LCOR: variants seen among roughly 807,000 people sequenced by gnomAD.
LCOR encodes the protein ligand dependent nuclear receptor corepressor, also known as ligand-dependent corepressor.
A neutral mutation model predicts 64.4 loss-of-function variants in LCOR; 14 were observed. That is an observed-to-expected ratio of 0.22 (90% CI 0.14 to 0.34). LCOR has a LOEUF of 0.34. LCOR is among the 10% of genes least tolerant of loss of function. The pLI, the probability that LCOR is intolerant of heterozygous loss-of-function variation, is 1.00. For synonymous variants in LCOR, 643 were observed against 642.5 expected, an observed-to-expected ratio of 1.00 and a Z score of -0.01; for missense variants, 1,686 against 1,765.3, an observed-to-expected ratio of 0.96 and a Z score of 0.80.
intron 2 of LCOR, among the ~76,000 whole-genome samples, chr10:96,855,845 G>C (rs866747754): frequency 6.8e-6 from 1 of 148,074 alleles, no homozygotes; most frequent in South Asian, 2.2e-4. Context: ...GGGTTCAAGC[G>C]ATTCTCCTGC....
Position 96,987,506 on chromosome 10 carries a change from T to C in LCOR, c.*2372T>C, listed in dbSNP as rs543020114. Reference sequence around the variant, plus strand: ...AAAGCTCAGTTAAAGATAATAGCCTTCTTTCCCATTCTAGGCTGTGTGTGA... The same window carrying C: ...AAAGCTCAGTTAAAGATAATAGCCTCCTTTCCCATTCTAGGCTGTGTGTGA... On this transcript the variant is annotated 3_prime_UTR_variant, in exon 8 of 8. Coordinates refer to ENST00000421806, the MANE Select transcript of LCOR (RefSeq NM_001346516.2). 3.1e-4 allele frequency: 47 copies of C among 152,362 alleles called. 1 individual carries two copies. Among genetic ancestry groups the C allele is most frequent in the African/African-American group, 9.9e-4 (41 of 41,582 alleles). 9.4% of individuals were successfully genotyped at this position (152,362 alleles called of 1,614,324 possible).
chr10:96,975,948 G>C (rs1291208733), intron 7 of LCOR, among the ~76,000 whole-genome samples: 1 of 152,178 alleles, frequency 6.6e-6, no homozygotes, highest in Admixed American at 6.5e-5. Flanking sequence ...CCGGGAGGTG[G>C]AGGTTGCAGT....
intron 2 of LCOR, among the ~76,000 whole-genome samples, chr10:96,867,971 G>A (rs1439107947): frequency 1.3e-5 from 2 of 151,840 alleles, no homozygotes; most frequent in African/African-American, 2.4e-5. Context: ...TGCAACCTCC[G>A]CCTCCCGGGT....
At chr10:96,870,308 GC>G (rs1489215906) in intron 2 of LCOR, among the ~76,000 whole-genome samples, 2 of 152,132 alleles carry the variant, frequency 1.3e-5, no homozygotes, top group Admixed American at 1.3e-4. Context: ...ACCGCACCCG[GC>G]CCTAAACCCT....
chr10:96,863,699 G>A (rs1005755506), intron 2 of LCOR, among the ~76,000 whole-genome samples: 21 of 152,182 alleles, frequency 1.4e-4, no homozygotes, highest in Non-Finnish European at 2.4e-4. Flanking sequence ...TGCTTTAAAG[G>A]AGTTTAGAAA....
chr10:96,945,215 T>A (rs1847567393), intron 5 of LCOR, among the ~76,000 whole-genome samples: 1 of 152,210 alleles, frequency 6.6e-6, no homozygotes, highest in Admixed American at 6.5e-5. Context: ...CTCTCATTCC[T>A]CTGGAAATTC....
Position 96,926,794 on chromosome 10 carries a change from G to GT in LCOR, c.-183-17312dup, listed in dbSNP as rs201026989. ...TATAATAGGAATCATAAAATACATA[G>GT]TTTTTTTATGTTTGACTTCTTTTTG... On this transcript the variant is annotated intron_variant, in intron 4 of 7. Coordinates refer to ENST00000421806, the MANE Select transcript of LCOR (RefSeq NM_001346516.2). Among the ~76,000 whole-genome samples, 500 of 152,122 alleles carry GT rather than the reference G, an allele frequency of 3.3e-3. 3 individuals are homozygous for GT. Among genetic ancestry groups the GT allele is most frequent in the African/African-American group, 0.012 (481 of 41,520 alleles).
At chr10:96,873,466 TTC>T (rs1846105672) in intron 2 of LCOR, among the ~76,000 whole-genome samples, 2 of 152,150 alleles carry the variant, frequency 1.3e-5, no homozygotes, top group Admixed American at 6.6e-5. Flanking sequence ...GAAATTTACA[TTC>T]TTTTCTTTAA....
chr10:96,910,905 T>G (rs1171030329), intron 4 of LCOR, among the ~76,000 whole-genome samples: 9 of 152,180 alleles, frequency 5.9e-5, no homozygotes, highest in Non-Finnish European at 1.2e-4. Flanking sequence ...TATTTACCTT[T>G]AAAAACACGT....
rs1399187138 is a variant in LCOR, at chr10:96,842,592, A to C, written c.-330+9113A>C. Among the ~76,000 whole-genome samples the C allele has an allele frequency of 2.6e-5, 4 of 152,076 alleles. No homozygotes were observed. The East Asian group carries it at 5.8e-4, about 22-fold the overall frequency. On this transcript the variant is annotated intron_variant, in intron 2 of 7. Coordinates refer to ENST00000421806, the MANE Select transcript of LCOR (RefSeq NM_001346516.2). ...TACGTTTAGAATGATCAGTTGATACAAAAATTTTCTAAAAAGCTTGCTTTT... is the reference window on the plus strand; with the variant it reads ...TACGTTTAGAATGATCAGTTGATACCAAAATTTTCTAAAAAGCTTGCTTTT...
intron 4 of LCOR, among the ~76,000 whole-genome samples, chr10:96,937,003 G>C (rs916604676): frequency 3.3e-5 from 5 of 152,062 alleles, no homozygotes; most frequent in African/African-American, 1.2e-4. Flanking sequence ...CTATACCATG[G>C]GTAACTGTGG....
intron 2 of LCOR, among the ~76,000 whole-genome samples, chr10:96,836,035 C>G (rs1845435466): frequency 6.6e-6 from 1 of 152,194 alleles, no homozygotes; most frequent in African/African-American, 2.4e-5. Flanking sequence ...TTTCAAGAAG[C>G]TCTTCCTAAT....
chr10:96,833,332 G>A, intron 1 of LCOR, 74 bp from the exon 2 acceptor site: 1 of 962,556 alleles, frequency 1.0e-6, no homozygotes, highest in Non-Finnish European at 1.2e-6. Context: ...CGCGGACGGG[G>A]GCGCCCCGGG....
At chr10:96,901,515 G>T (rs1230240841) in intron 2 of LCOR, among the ~76,000 whole-genome samples, 1 of 152,084 alleles carries the variant, frequency 6.6e-6, no homozygotes, top group African/African-American at 2.4e-5. Context: ...CCCTAGTGCT[G>T]CCCCAGTATT....
intron 2 of LCOR, among the ~76,000 whole-genome samples, chr10:96,865,754 A>G (rs1467378773): frequency 6.6e-6 from 1 of 151,812 alleles, no homozygotes; most frequent in Non-Finnish European, 1.5e-5. Context: ...GGTGCCTGTA[A>G]TCCTAGCCAC....
intron 7 of LCOR, among the ~76,000 whole-genome samples, chr10:96,980,098 C>T (rs908400810): frequency 2.0e-5 from 3 of 151,822 alleles, no homozygotes; most frequent in African/African-American, 7.3e-5. Flanking sequence ...GAGCCAAGCT[C>T]GCACCACTGC....
chr10:96,870,376 C>A, intron 2 of LCOR, among the ~76,000 whole-genome samples: 1 of 152,112 alleles, frequency 6.6e-6, no homozygotes. Context: ...CATTAAATTA[C>A]AACCATAATA....
rs577245104 is a variant in LCOR at position 96,833,281 on chromosome 10, G to T, written c.-403-125G>T. On this transcript the variant is annotated intron_variant, in intron 1 of 7. Transcript: ENST00000421806. ...TCCGCCCCCCGCCTCCCGGACCTTG[G>T]GCCGCCCTCGGGTGGCTTTTTCCCT... 5.4e-5 allele frequency: 51 copies of T among 952,334 alleles called. No homozygotes were observed. In the South Asian group the frequency reaches 2.3e-3, roughly 43 times the overall value. The allele number at this position is 952,334 out of a possible 1,614,324, so 59.0% of individuals were successfully genotyped here.
intron 1 of LCOR, among the ~76,000 whole-genome samples, chr10:96,832,798 G>A (rs1938456439): frequency 6.7e-6 from 1 of 150,368 alleles, no homozygotes; most frequent in Non-Finnish European, 1.5e-5. Flanking sequence ...CCGCTGTACT[G>A]GGGGAGGCGC....
Sources: allele counts gnomAD v4.1 joint callset (sites outside exome capture counted in the v4.1 genomes callset), GRCh38; gene constraint gnomAD v4.1.1; transcripts MANE v1.5; gene names NCBI Gene and HGNC (gene_info 2026-07-23, HGNC 2026-07-21).